Variants in ACER1 observed in about 807,000 individuals in gnomAD.
ACER1 encodes the protein CTB-180A7.3.
Under a neutral mutation model 24.9 loss-of-function variants are expected in ACER1, and 28 were observed. The ratio of observed to expected loss-of-function variants is 1.13; its 90% CI spans 0.83 to 1.54. The LOEUF (loss-of-function observed/expected upper bound fraction) is 1.54, where lower values mean the gene tolerates loss of function less well. Ranked by LOEUF, ACER1 falls within the 40% of genes most tolerant of loss-of-function variation. The pLI, the probability that ACER1 is intolerant of heterozygous loss-of-function variation, is 0.00. For missense variants in ACER1, 352 were observed against 349.3 expected (o/e 1.01, Z -0.06); for synonymous variants, 132 against 131.4 (o/e 1.00, Z -0.03).
the ACER1 span, among the ~76,000 whole-genome samples, chr19:6,359,722 T>C: frequency 3.3e-5 from 5 of 152,202 alleles, no homozygotes; most frequent in East Asian, 7.7e-4. Context: ...CAGACTTCCA[T>C]GGTCCCTGAT....
intron 3 of ACER1, among the ~76,000 whole-genome samples, chr19:6,310,825 C>T (rs1250891480): frequency 2.0e-5 from 3 of 149,684 alleles, no homozygotes; most frequent in East Asian, 3.9e-4. Flanking sequence ...TTGCAGCAAG[C>T]TAAGATTGCG....
chr19:6,359,569 T>C, the ACER1 span, among the ~76,000 whole-genome samples: 1 of 151,982 alleles, frequency 6.6e-6, no homozygotes, highest in Non-Finnish European at 1.5e-5. Context: ...CCACATGTCT[T>C]GGGCTCCCAA....
upstream of ACER1, among the ~76,000 whole-genome samples, chr19:6,336,898 G>C (rs950523177): frequency 1.3e-5 from 2 of 151,062 alleles, no homozygotes; most frequent in African/African-American, 4.9e-5. Flanking sequence ...TGAACTGGCC[G>C]GGCATGGTGG....
At chr19:6,318,338 G>A (rs537996947) in intron 1 of ACER1, among the ~76,000 whole-genome samples, 20 of 151,450 alleles carry the variant, frequency 1.3e-4, no homozygotes, top group Non-Finnish European at 1.8e-4. Flanking sequence ...GTGCGGTGGC[G>A]CATGCCTGTA....
At chr19:6,313,771 G>A (rs1280235657) in intron 1 of ACER1, among the ~76,000 whole-genome samples, 1 of 152,200 alleles carries the variant, frequency 6.6e-6, no homozygotes, top group Non-Finnish European at 1.5e-5. Context: ...GTCATAAAAG[G>A]AACTGTGGCT....
upstream of ACER1, among the ~76,000 whole-genome samples, chr19:6,337,742 C>T (rs1158638808): frequency 1.7e-5 from 2 of 120,360 alleles, no homozygotes; most frequent in African/African-American, 3.2e-5. Context: ...GTGGCTCGAT[C>T]TTGGCTCACT....
intron 1 of ACER1, among the ~76,000 whole-genome samples, chr19:6,321,504 G>A (rs60433440): frequency 0.018 from 2,802 of 152,182 alleles, 105 homozygotes; most frequent in African/African-American, 0.064. Context: ...ACATCCCACC[G>A]CCTGGCATCT....
chr19:6,334,629 G>A (rs138014768), upstream of ACER1, among the ~76,000 whole-genome samples: 4 of 152,182 alleles, frequency 2.6e-5, no homozygotes, highest in East Asian at 1.9e-4. Flanking sequence ...TTATACGCAT[G>A]AGCCACCTCA....
chr19:6,340,236 G>A, the ACER1 span, among the ~76,000 whole-genome samples: 8,125 of 101,148 alleles, frequency 0.08, 805 homozygotes, highest in East Asian at 0.25. Context: ...AGCCAAGATC[G>A]CGCCACTACA....
upstream of ACER1, among the ~76,000 whole-genome samples, chr19:6,336,589 G>A (rs568376412): frequency 6.6e-6 from 1 of 152,186 alleles, no homozygotes. Context: ...AGGAAGCCAA[G>A]GCAGGCGGAT....
chr19:6,309,731 G>T lies in ACER1; in HGVS notation c.454C>A (p.His152Asn). The T allele has an allele frequency of 6.2e-7, 1 of 1,614,074 alleles. No individual in the cohort carries two copies. Among genetic ancestry groups the T allele is most frequent in the South Asian group, 1.1e-5 (1 of 91,080 alleles). ...TCCTGGCACACGATGTAGAGAATGT[G>T]CAGGGCAATGCTGTTGAGGGCGTAG... ...NAYALNSIAL[H>N]ILYIVCQEYR... The change falls in exon 4 of 6, where the codon CAC becomes AAC. Residue 152 changes from histidine (H) to asparagine (N), a missense_variant. Physicochemically the swap from His to Asn is moderately conservative, Grantham distance 68. Coordinates refer to ENST00000301452, the MANE Select transcript of ACER1 (RefSeq NM_133492.3).
In ACER1 at chr19:6,332,384, C is replaced by G. The variant is rs151013543; in HGVS notation, c.93+1075G>C. Reference sequence around the variant, plus strand: ...TTCTTGGGTTCAAGAAATCCTCCCCCCTCAGCCTCCCAAGTAGCTGGAACT... The same window carrying G: ...TTCTTGGGTTCAAGAAATCCTCCCCGCTCAGCCTCCCAAGTAGCTGGAACT... On this transcript the variant is annotated intron_variant, in intron 1 of 5. Coordinates refer to ENST00000301452, the MANE Select transcript of ACER1 (RefSeq NM_133492.3). Among the ~76,000 whole-genome samples the G allele has an allele frequency of 3.4e-3, 517 of 151,492 alleles. 4 individuals are homozygous for G. Among genetic ancestry groups the G allele is most frequent in the South Asian group, 0.017 (82 of 4,792 alleles).
intron 1 of ACER1, among the ~76,000 whole-genome samples, chr19:6,324,660 G>A (rs141113001): frequency 7.0e-4 from 106 of 151,848 alleles, no homozygotes; most frequent in African/African-American, 2.4e-3. Context: ...AGCTACTTGG[G>A]AGGCTGAGGC....
rs902630832 is a variant in ACER1, at chr19:6,308,011, A to G, written c.489-721T>C. The stretch of plus-strand genomic sequence containing the variant: ...GGAGGCTGAGCCACTTGAACCCAAG[A>G]GGCGGAGGTTGCAATGAGCCGGGAT... On this transcript the variant is annotated intron_variant, in intron 4 of 5. Coordinates refer to ENST00000301452, the MANE Select transcript of ACER1 (RefSeq NM_133492.3). Among the ~76,000 whole-genome samples the G allele has an allele frequency of 3.3e-5, 5 of 152,000 alleles. No individual in the cohort carries two copies. The East Asian group carries it at 9.7e-4, about 29-fold the overall frequency.
chr19:6,348,684 C>T, the ACER1 span, among the ~76,000 whole-genome samples: 1 of 152,018 alleles, frequency 6.6e-6, no homozygotes, highest in Middle Eastern at 3.2e-3. Context: ...TCTGAGTCAC[C>T]ATTTGGATTC....
intron 1 of ACER1, among the ~76,000 whole-genome samples, chr19:6,326,550 C>A (rs2091662822): frequency 6.8e-6 from 1 of 147,912 alleles, no homozygotes; most frequent in South Asian, 2.2e-4. Context: ...CAGGTGTAAG[C>A]CACCACACTT....
At position 6,306,872 on chromosome 19, in the gene ACER1, T is replaced by G. The variant is rs1881393469; in HGVS notation, c.637A>C (p.Ile213Leu). ...FYLHSIWHVL[I>L]SITFPYGMVT... ...ATGCCATAAGGGAAGGTGATGCTGA[T>G]GAGCACATGCCTGTGGAGTGCAGGG... The change falls in exon 6 of 6, where the codon ATC becomes CTC. Residue 213 changes from isoleucine to leucine, a missense_variant. By Grantham distance (5) the Ile-to-Leu change is conservative. Coordinates refer to ENST00000301452, the MANE Select transcript of ACER1 (RefSeq NM_133492.3). 2 of 1,613,524 alleles carry G rather than the reference T, an allele frequency of 1.2e-6. No individual in the cohort carries two copies. Among genetic ancestry groups the G allele is most frequent in the South Asian group, 1.1e-5 (1 of 90,984 alleles).
At chr19:6,316,335 A>G (rs2091602922) in intron 1 of ACER1, among the ~76,000 whole-genome samples, 1 of 152,120 alleles carries the variant, frequency 6.6e-6, no homozygotes, top group Admixed American at 6.6e-5. Flanking sequence ...ACTACTTGAG[A>G]GGCTGAGGAG....
upstream of ACER1, among the ~76,000 whole-genome samples, chr19:6,336,947 A>C (rs1170978079): frequency 2.0e-5 from 3 of 151,982 alleles, no homozygotes; most frequent in African/African-American, 7.2e-5. Context: ...AGGCTGAGGC[A>C]GGTGGAGCAC....
Sources: allele counts gnomAD v4.1 joint callset (sites outside exome capture counted in the v4.1 genomes callset), GRCh38; gene constraint gnomAD v4.1.1; transcripts MANE v1.5; gene names NCBI Gene and HGNC (gene_info 2026-07-23, HGNC 2026-07-21).